The following DENND5B variants were observed in gnomAD, a reference collection of about 807,000 sequenced individuals.
DENND5B encodes DENN domain containing 5B, also known as DENN domain-containing protein 5B.
DENND5B carries 34 observed loss-of-function variants against 140.6 expected under a neutral mutation model. The observed-to-expected ratio is 0.24, with a 90% CI of 0.18 to 0.32. The LOEUF (loss-of-function observed/expected upper bound fraction) is 0.32. Among genes scored for constraint, DENND5B ranks in the 10% least tolerant of loss-of-function variants. The pLI, the probability that DENND5B is intolerant of heterozygous loss-of-function variation, is 1.00. For synonymous variants in DENND5B, 551 were observed against 562.1 expected (o/e 0.98, Z 0.28); for missense variants, 1,142 against 1,560.2 (o/e 0.73, Z 4.52).
chr12:31,588,366 G>A (rs1950473130), intron 1 of DENND5B, among the ~76,000 whole-genome samples: 1 of 152,120 alleles, frequency 6.6e-6, no homozygotes. Context: ...TTTCCTCATA[G>A]CACTTATTAA....
chr12:31,590,795 C>G lies in DENND5B; in HGVS notation c.38G>C (p.Gly13Ala). The G allele has an allele frequency of 1.5e-6, 2 of 1,335,258 alleles. No homozygotes were observed. Among genetic ancestry groups the G allele is most frequent in the Non-Finnish European group, 1.9e-6 (2 of 1,043,958 alleles). The allele number at this position is 1,335,258 out of a possible 1,614,324, so 82.7% of individuals were successfully genotyped here. A position where few individuals can be genotyped will look rare whatever the true frequency, so the allele number is the denominator to read the frequency against. The change falls in exon 1 of 21, where the codon GGC becomes GCC. Residue 13 changes from glycine to alanine, a missense_variant. Physicochemically the swap from Gly to Ala is moderately conservative, Grantham distance 60. Around this residue, in one of 5 missense-constraint regions of DENND5B, gnomAD observed 708 missense variants for 905.5 expected, o/e 0.78. Coordinates refer to ENST00000389082, the MANE Select transcript of DENND5B (RefSeq NM_144973.4). Reference sequence around the variant, plus strand: ...GAAGCGGCAGGCGGCCGGGGAGGAGCCCGAGCCCGGGCCGGGCGCCGCGCA... The same window carrying G: ...GAAGCGGCAGGCGGCCGGGGAGGAGGCCGAGCCCGGGCCGGGCGCCGCGCA... ...GSCAAPGPGS[G>A]SSPAACRFAH...
chr12:31,565,825 C>T (rs1259035574), intron 1 of DENND5B, among the ~76,000 whole-genome samples: 2 of 152,030 alleles, frequency 1.3e-5, no homozygotes, highest in Admixed American at 1.3e-4. Context: ...AAACTAGGGA[C>T]CATATTTGAC....
chr12:31,391,498 C>T (rs910395218), intron 19 of DENND5B, among the ~76,000 whole-genome samples: 1 of 152,260 alleles, frequency 6.6e-6, no homozygotes, highest in South Asian at 2.1e-4. Context: ...GTTTGTTTCC[C>T]ACACCGACCT....
chr12:31,412,238 G>A (rs565040316), intron 13 of DENND5B, among the ~76,000 whole-genome samples: 16 of 152,312 alleles, frequency 1.1e-4, no homozygotes, highest in African/African-American at 2.6e-4. Context: ...GTGAGCCACT[G>A]CACCTGACCT....
intron 2 of DENND5B, among the ~76,000 whole-genome samples, chr12:31,484,499 A>G (rs1946209176): frequency 6.6e-6 from 1 of 152,046 alleles, no homozygotes; most frequent in African/African-American, 2.4e-5. Flanking sequence ...CTGAGTGGAA[A>G]TTTTAAAAAA....
intron 9 of DENND5B, 21 bp from the exon 10 acceptor site, chr12:31,424,708 C>A (rs771460045): frequency 6.2e-7 from 1 of 1,610,066 alleles, no homozygotes; most frequent in Non-Finnish European, 8.5e-7. Context: ...CACGTGTAGT[C>A]ATAAGGCACC....
chr12:31,383,323 G>A lies in DENND5B; in HGVS notation c.*4280C>T, dbSNP rs1237388975. ...TCACCTCATGTTTCAAAATACCTTA[G>A]GGATGTCAACATATACTACACATAA... On this transcript the variant is annotated 3_prime_UTR_variant, in exon 21 of 21. Transcript: ENST00000389082. The A allele has an allele frequency of 6.6e-6, 1 of 151,990 alleles. No homozygotes were observed. The highest frequency in any genetic ancestry group is 2.4e-5 in the African/African-American group (1 of 41,390). 9.4% of individuals were successfully genotyped at this position (151,990 alleles called of 1,614,324 possible). A position where few individuals can be genotyped will look rare whatever the true frequency, so the allele number is the denominator to read the frequency against.
At chr12:31,528,855 T>TA (rs1302992559) in intron 1 of DENND5B, among the ~76,000 whole-genome samples, 1 of 151,988 alleles carries the variant, frequency 6.6e-6, no homozygotes, top group African/African-American at 2.4e-5. Flanking sequence ...AAAGAGCTGA[T>TA]ATTGGATCAT....
At chr12:31,481,098 C>T (rs1275340932) in intron 2 of DENND5B, among the ~76,000 whole-genome samples, 1 of 152,146 alleles carries the variant, frequency 6.6e-6, no homozygotes, top group Non-Finnish European at 1.5e-5. Flanking sequence ...ACTTGTAATT[C>T]AACCATCCTA....
intron 1 of DENND5B, among the ~76,000 whole-genome samples, chr12:31,522,563 G>T (rs1947936189): frequency 6.8e-6 from 1 of 147,088 alleles, no homozygotes; most frequent in Non-Finnish European, 1.5e-5. Flanking sequence ...CCCCAGTTCA[G>T]GCTCCCAAGT....
intron 7 of DENND5B, among the ~76,000 whole-genome samples, chr12:31,439,371 G>T (rs1251932952): frequency 2.0e-5 from 3 of 152,116 alleles, no homozygotes; most frequent in Non-Finnish European, 4.4e-5. Flanking sequence ...AGAAAATAAG[G>T]CTATAAGATT....
At chr12:31,586,469 A>G (rs1950396245) in intron 1 of DENND5B, among the ~76,000 whole-genome samples, 1 of 152,250 alleles carries the variant, frequency 6.6e-6, no homozygotes, top group Non-Finnish European at 1.5e-5. Flanking sequence ...GGACATCACC[A>G]TAAAGTTTCT....
At chr12:31,454,506 C>T (rs890079567) in intron 4 of DENND5B, among the ~76,000 whole-genome samples, 2 of 152,102 alleles carry the variant, frequency 1.3e-5, no homozygotes, top group African/African-American at 2.4e-5. Context: ...TGTAGTGGTG[C>T]GATCTCAGCT....
chr12:31,535,030 C>T (rs1027966129), intron 1 of DENND5B: 5 of 202,638 alleles, frequency 2.5e-5, no homozygotes, highest in Non-Finnish European at 4.2e-5. Context: ...GCGCAGATTG[C>T]ACCACTGCAC....
chr12:31,560,320 T>A (rs1949430059), intron 1 of DENND5B, among the ~76,000 whole-genome samples: 1 of 152,212 alleles, frequency 6.6e-6, no homozygotes, highest in Admixed American at 6.5e-5. Flanking sequence ...TACTGAAGTT[T>A]AAAACCTTTA....
At chr12:31,492,039 A>T (rs1210327566) in intron 2 of DENND5B, among the ~76,000 whole-genome samples, 1 of 152,246 alleles carries the variant, frequency 6.6e-6, no homozygotes, top group African/African-American at 2.4e-5. Context: ...TAAAGGCAGT[A>T]AATCTGTGAC....
At chr12:31,441,072 G>A (rs1944007888) in intron 7 of DENND5B, among the ~76,000 whole-genome samples, 1 of 151,952 alleles carries the variant, frequency 6.6e-6, no homozygotes, top group African/African-American at 2.4e-5. Context: ...GCTTGGCCTG[G>A]TGGCTCACAC....
intron 4 of DENND5B, among the ~76,000 whole-genome samples, chr12:31,458,055 T>C (rs1342105975): frequency 6.6e-6 from 1 of 152,232 alleles, no homozygotes; most frequent in Non-Finnish European, 1.5e-5. Flanking sequence ...TTATTTCATA[T>C]TATTCTACTC....
chr12:31,559,854 G>A (rs977142156), intron 1 of DENND5B, among the ~76,000 whole-genome samples: 16 of 151,776 alleles, frequency 1.1e-4, no homozygotes, highest in Non-Finnish European at 1.5e-4. Flanking sequence ...ATTTTACAAC[G>A]GAAGGAAAAA....
Sources: gnomAD v4.1 joint callset for allele counts (sites outside exome capture counted in the v4.1 genomes callset) on GRCh38, gnomAD v4.1.1 for gene constraint, gnomAD v4.1.1 regional missense constraint, MANE v1.5 for transcripts, NCBI Gene and HGNC (gene_info 2026-07-23, HGNC 2026-07-21) for gene names.